The following CTNNA2 variants were observed in gnomAD, a reference collection of about 807,000 sequenced individuals.
CTNNA2 encodes the protein catenin alpha-2.
Under a neutral mutation model 101.0 loss-of-function variants are expected in CTNNA2, and 42 were observed. The observed-to-expected ratio is 0.42, with a 90% CI of 0.32 to 0.54. The LOEUF is 0.54. Ranked by LOEUF, CTNNA2 falls within the 20% of genes least tolerant of loss-of-function variation. The pLI, the probability that CTNNA2 is intolerant of heterozygous loss-of-function variation, is 0.14. For missense variants in CTNNA2, 871 were observed against 1,223.1 expected (o/e 0.71, Z 4.29); for synonymous variants, 450 against 456.4 (o/e 0.99, Z 0.18).
rs1169944635 is a variant in CTNNA2 at position 80,434,485 on chromosome 2, C to CTTTT, written c.1290+14904_1290+14907dup. On this transcript the variant is annotated intron_variant, in intron 9 of 18. Coordinates refer to ENST00000402739, the MANE Select transcript of CTNNA2 (RefSeq NM_001282597.3). ...GTTGTCTGTCTTTCTTTCTGTGTCT[C>CTTTT]TTTTTTTTTTTTTTTTTTTTTTTGA... Among the ~76,000 whole-genome samples the CTTTT allele has an allele frequency of 9.2e-4, 83 of 89,990 alleles. 2 individuals carry two copies. Among genetic ancestry groups the CTTTT allele is most frequent in the African/African-American group, 1.8e-3 (36 of 19,764 alleles). The allele number at this position is 89,990 out of a possible 152,430, so 59.0% of individuals were successfully genotyped here.
At chr2:79,429,587 T>C (rs950185727) in intron 4 of CTNNA2, among the ~76,000 whole-genome samples, 1 of 152,128 alleles carries the variant, frequency 6.6e-6, no homozygotes, top group Non-Finnish European at 1.5e-5. Flanking sequence ...CACTAAGGAC[T>C]CTAAATTAAA....
chr2:80,179,196 G>A (rs1170907480), intron 7 of CTNNA2, among the ~76,000 whole-genome samples: 1 of 152,164 alleles, frequency 6.6e-6, no homozygotes, highest in Non-Finnish European at 1.5e-5. Context: ...GTGTTAATTT[G>A]CTCAAGCAAT....
At chr2:80,328,442 A>G in intron 7 of CTNNA2, 1 of 468,228 alleles carries the variant, frequency 2.1e-6, no homozygotes, top group South Asian at 1.6e-5. Context: ...ACTGAGAGGA[A>G]GGACAGTGTA....
chr2:79,344,698 A>G (rs1677215251), intron 3 of CTNNA2, among the ~76,000 whole-genome samples: 1 of 151,592 alleles, frequency 6.6e-6, no homozygotes, highest in South Asian at 2.1e-4. Flanking sequence ...TAAAAAACCA[A>G]TTTTGTATCT....
chr2:80,022,505 C>G (rs186273488), intron 7 of CTNNA2, among the ~76,000 whole-genome samples: 1 of 152,116 alleles, frequency 6.6e-6, no homozygotes, highest in Admixed American at 6.5e-5. Context: ...GTGGTTCACC[C>G]TTATAATCCT....
chr2:79,506,832 A>T (rs568668156), intron 5 of CTNNA2, among the ~76,000 whole-genome samples: 1 of 152,166 alleles, frequency 6.6e-6, no homozygotes, highest in Admixed American at 6.6e-5. Flanking sequence ...TGCCAGGCAC[A>T]TGGTGGTTTT....
At chr2:80,276,936 T>C (rs1277690612) in intron 7 of CTNNA2, among the ~76,000 whole-genome samples, 1 of 152,010 alleles carries the variant, frequency 6.6e-6, no homozygotes, top group Non-Finnish European at 1.5e-5. Flanking sequence ...GAAGACAAAG[T>C]CCTTTACAAG....
chr2:79,494,993 C>T (rs2104568132), intron 4 of CTNNA2, among the ~76,000 whole-genome samples: 1 of 152,128 alleles, frequency 6.6e-6, no homozygotes. Flanking sequence ...GTCCCAGCTA[C>T]TTAGGAGGCT....
chr2:79,341,326 T>C (rs1385086977), intron 3 of CTNNA2, among the ~76,000 whole-genome samples: 1 of 152,210 alleles, frequency 6.6e-6, no homozygotes, highest in Non-Finnish European at 1.5e-5. Context: ...TTAGTGGATA[T>C]GGAACATTTT....
intron 9 of CTNNA2, among the ~76,000 whole-genome samples, chr2:80,512,770 TAAG>T (rs1688810156): frequency 6.6e-6 from 1 of 152,082 alleles, no homozygotes; most frequent in African/African-American, 2.4e-5. Flanking sequence ...ACTGTCCCCT[TAAG>T]GAGTCTTTTT....
chr2:80,062,199 GA>G lies in CTNNA2; in HGVS notation c.1056+152409del, dbSNP rs895162108. ...TTTTAATTCCTGTCATTCTCAAAAA[GA>G]AAAAAATGCCAGTGTTTCTTCTGGA... On this transcript the variant is annotated intron_variant, in intron 7 of 18. Transcript: ENST00000402739. Among the ~76,000 whole-genome samples, 9 of 152,102 alleles carry G rather than the reference GA, an allele frequency of 5.9e-5. 2 individuals carry two copies. The highest frequency in any genetic ancestry group is 2.2e-4 in the African/African-American group (9 of 41,536).
chr2:80,214,487 G>A (rs1356051414), intron 7 of CTNNA2, among the ~76,000 whole-genome samples: 1 of 152,094 alleles, frequency 6.6e-6, no homozygotes, highest in Admixed American at 6.5e-5. Context: ...AGTTTGGCTG[G>A]ATATGAAATT....
intron 7 of CTNNA2, among the ~76,000 whole-genome samples, chr2:80,091,803 CA>C: frequency 6.6e-6 from 1 of 151,968 alleles, no homozygotes; most frequent in Admixed American, 6.5e-5. Flanking sequence ...GAAGCCAAAT[CA>C]ATCAGTTGAT....
At chr2:80,550,175 T>A (rs931047762) in intron 11 of CTNNA2, among the ~76,000 whole-genome samples, 2 of 152,238 alleles carry the variant, frequency 1.3e-5, no homozygotes, top group Admixed American at 6.5e-5. Context: ...ATATAAGTTA[T>A]GTTTACAGTG....
At chr2:79,914,176 A>C (rs12988234) in intron 7 of CTNNA2, among the ~76,000 whole-genome samples, 1 of 151,192 alleles carries the variant, frequency 6.6e-6, no homozygotes, top group African/African-American at 2.4e-5. Flanking sequence ...CAAAAAAAAA[A>C]AAAAAAAAAA....
chr2:80,124,165 G>A (rs62141435), intron 7 of CTNNA2, among the ~76,000 whole-genome samples: 10,188 of 152,180 alleles, frequency 0.067, 362 homozygotes, highest in African/African-American at 0.086. Flanking sequence ...GTCACTGAGC[G>A]AAGTCTTGGT....
At chr2:80,466,575 T>G (rs1182992432) in intron 9 of CTNNA2, among the ~76,000 whole-genome samples, 1 of 152,174 alleles carries the variant, frequency 6.6e-6, no homozygotes, top group Non-Finnish European at 1.5e-5. Context: ...GAAACCTTTT[T>G]CAAAATGAAG....
At chr2:79,216,861 G>T (rs1023323978) in intron 2 of CTNNA2, among the ~76,000 whole-genome samples, 6 of 152,134 alleles carry the variant, frequency 3.9e-5, no homozygotes, top group Non-Finnish European at 5.9e-5. Flanking sequence ...TGCCACTAAG[G>T]GTGAAGGACC....
At chr2:80,424,848 A>T (rs975805467) in intron 9 of CTNNA2, among the ~76,000 whole-genome samples, 2 of 152,156 alleles carry the variant, frequency 1.3e-5, no homozygotes, top group Non-Finnish European at 2.9e-5. Flanking sequence ...TGACTGTCAA[A>T]CGCCTTGGGG....
Sources: allele counts gnomAD v4.1 joint callset (sites outside exome capture counted in the v4.1 genomes callset), GRCh38; gene constraint gnomAD v4.1.1; transcripts MANE v1.5; gene names NCBI Gene and HGNC (gene_info 2026-07-23, HGNC 2026-07-21).